The following ZNF385D variants were observed in gnomAD, a reference collection of about 807,000 sequenced individuals.
ZNF385D encodes the protein zinc finger protein 385D, also known as zinc finger protein 659.
In ZNF385D, 15 loss-of-function variants were observed where a neutral mutation model predicts 35.8. The observed-to-expected ratio is 0.42, with a 90% CI of 0.28 to 0.64. The LOEUF (loss-of-function observed/expected upper bound fraction) is 0.64, where lower values mean the gene tolerates loss of function less well. ZNF385D is among the 30% of genes least tolerant of loss of function. The pLI is 0.23. For synonymous variants in ZNF385D, 212 were observed against 186.8 expected (o/e 1.13, Z -1.10); for missense variants, 474 against 494.6 (o/e 0.96, Z 0.39).
chr3:22,191,154 T>C (rs1695993542), intron 2 of ZNF385D, among the ~76,000 whole-genome samples: 1 of 148,202 alleles, frequency 6.7e-6, no homozygotes. Flanking sequence ...ATAATTATTA[T>C]TGGTCTAATT....
chr3:22,289,263 T>C (rs528384265), intron 2 of ZNF385D, among the ~76,000 whole-genome samples: 2 of 152,270 alleles, frequency 1.3e-5, no homozygotes, highest in African/African-American at 4.8e-5. Flanking sequence ...GACTCAAGCA[T>C]GCAGAGCCTC....
At chr3:21,806,523 G>T (rs1021941825) in intron 3 of ZNF385D, among the ~76,000 whole-genome samples, 1 of 152,018 alleles carries the variant, frequency 6.6e-6, no homozygotes. Flanking sequence ...TCGTTTTATA[G>T]TTAATTGGGG....
chr3:22,093,409 T>C (rs974769961), intron 3 of ZNF385D, among the ~76,000 whole-genome samples: 1 of 151,780 alleles, frequency 6.6e-6, no homozygotes, highest in Non-Finnish European at 1.5e-5. Context: ...AAGTAAAACA[T>C]TAAATTTATT....
chr3:21,598,248 ATC>A (rs1190843101), intron 2 of ZNF385D, among the ~76,000 whole-genome samples: 1 of 152,208 alleles, frequency 6.6e-6, no homozygotes, highest in African/African-American at 2.4e-5. Flanking sequence ...ATACACATAT[ATC>A]TCATTTCTGA....
intron 1 of ZNF385D, among the ~76,000 whole-genome samples, chr3:21,680,578 G>T (rs542236579): frequency 6.6e-6 from 1 of 151,990 alleles, no homozygotes; most frequent in Admixed American, 6.6e-5. Flanking sequence ...TAATAATATC[G>T]GATATGATGA....
chr3:22,241,530 A>T (rs952088479), intron 2 of ZNF385D, among the ~76,000 whole-genome samples: 1 of 151,226 alleles, frequency 6.6e-6, no homozygotes, highest in East Asian at 1.9e-4. Flanking sequence ...CTGTATAGAC[A>T]CTTGTAGACA....
intron 3 of ZNF385D, among the ~76,000 whole-genome samples, chr3:21,823,142 T>C (rs9816501): frequency 0.017 from 2,632 of 152,146 alleles, 82 homozygotes; most frequent in African/African-American, 0.06. Flanking sequence ...TATGTGTACA[T>C]ATATGTTTAT....
At chr3:22,122,339 CTG>C (rs1301344393) in intron 3 of ZNF385D, among the ~76,000 whole-genome samples, 1 of 152,026 alleles carries the variant, frequency 6.6e-6, no homozygotes, top group African/African-American at 2.4e-5. Context: ...TTTTTTTCCA[CTG>C]TAATTGATTC....
intron 2 of ZNF385D, among the ~76,000 whole-genome samples, chr3:21,661,987 C>T (rs1379459332): frequency 1.3e-5 from 2 of 152,024 alleles, no homozygotes; most frequent in Non-Finnish European, 2.9e-5. Context: ...TATGTTTCTG[C>T]CAACTCTATC....
At chr3:22,135,343 T>TA (rs1341639067) in intron 3 of ZNF385D, among the ~76,000 whole-genome samples, 1 of 151,778 alleles carries the variant, frequency 6.6e-6, no homozygotes, top group Non-Finnish European at 1.5e-5. Context: ...TACCCCAACA[T>TA]ACACACATAA....
At chr3:21,713,448 G>T (rs1341114022) in intron 1 of ZNF385D, among the ~76,000 whole-genome samples, 1 of 152,086 alleles carries the variant, frequency 6.6e-6, no homozygotes, top group Admixed American at 6.6e-5. Flanking sequence ...TGGGCATAGA[G>T]GTGGGGTATA....
chr3:22,126,159 A>G (rs936243372), intron 3 of ZNF385D, among the ~76,000 whole-genome samples: 2 of 152,040 alleles, frequency 1.3e-5, no homozygotes, highest in African/African-American at 4.8e-5. Flanking sequence ...TCCAGCATCA[A>G]TCGAAATGAT....
intron 3 of ZNF385D, among the ~76,000 whole-genome samples, chr3:22,154,227 C>G (rs1705441778): frequency 6.6e-6 from 1 of 152,150 alleles, no homozygotes; most frequent in African/African-American, 2.4e-5. Context: ...ACAATTGAAG[C>G]TCATTTCATT....
At chr3:21,827,029 A>G (rs1174867978) in intron 3 of ZNF385D, among the ~76,000 whole-genome samples, 3 of 152,124 alleles carry the variant, frequency 2.0e-5, no homozygotes, top group Non-Finnish European at 4.4e-5. Flanking sequence ...AGGTTGTGCA[A>G]AAGTAATTTT....
intron 1 of ZNF385D, among the ~76,000 whole-genome samples, chr3:21,702,703 C>A (rs2125387152): frequency 6.6e-6 from 1 of 152,326 alleles, no homozygotes; most frequent in African/African-American, 2.4e-5. Flanking sequence ...GAATGCTTCG[C>A]TGCTTAGAAA....
intron 2 of ZNF385D, among the ~76,000 whole-genome samples, chr3:21,624,367 T>C (rs1333501767): frequency 6.6e-6 from 1 of 152,166 alleles, no homozygotes; most frequent in East Asian, 1.9e-4. Context: ...ATATTAAATA[T>C]GGACATTGAA....
intron 4 of ZNF385D, among the ~76,000 whole-genome samples, chr3:21,467,332 G>A (rs973617464): frequency 6.6e-5 from 10 of 152,170 alleles, no homozygotes; most frequent in African/African-American, 9.6e-5. Flanking sequence ...TTTTAGATAC[G>A]GGGCTTCTTT....
At chr3:22,090,115 G>T in intron 3 of ZNF385D, among the ~76,000 whole-genome samples, 1 of 152,258 alleles carries the variant, frequency 6.6e-6, no homozygotes. Context: ...TGATATTGCA[G>T]GCGTGAGCCA....
At chr3:22,137,497 G>A (rs1189586559) in intron 3 of ZNF385D, among the ~76,000 whole-genome samples, 1 of 152,086 alleles carries the variant, frequency 6.6e-6, no homozygotes, top group East Asian at 1.9e-4. Flanking sequence ...TTCATCCCTG[G>A]GATGCAAGGC....
Sources: gnomAD v4.1 joint callset for allele counts (sites outside exome capture counted in the v4.1 genomes callset) on GRCh38, gnomAD v4.1.1 for gene constraint, MANE v1.5 for transcripts, NCBI Gene and HGNC (gene_info 2026-07-23, HGNC 2026-07-21) for gene names.